The following DIAPH3 variants were observed in gnomAD, a reference collection of about 807,000 sequenced individuals.
DIAPH3 encodes the protein diaphanous related formin 3, also known as protein diaphanous homolog 3.
A neutral mutation model predicts 144.3 loss-of-function variants in DIAPH3; 117 were observed. The observed-to-expected ratio is 0.81, with a 90% CI of 0.70 to 0.95. The LOEUF is 0.95. DIAPH3 is among the 40% of genes least tolerant of loss of function. DIAPH3 has a pLI of 0.00. For synonymous variants in DIAPH3, 519 were observed against 488.9 expected (o/e 1.06, Z -0.81); for missense variants, 1,421 against 1,412.7 (o/e 1.01, Z -0.09).
intron 4 of DIAPH3, among the ~76,000 whole-genome samples, chr13:60,077,113 T>C (rs1389192179): frequency 6.6e-6 from 1 of 152,124 alleles, no homozygotes; most frequent in South Asian, 2.1e-4. Context: ...AAATGAATGA[T>C]ACTTGGAATG....
At position 59,916,203 on chromosome 13, in the gene DIAPH3, C is replaced by A. The variant is rs1270486726; in HGVS notation, c.2217G>T (p.Met739Ile). Residue 739 changes from methionine to isoleucine, a missense_variant, in exon 19 of 28, where the codon ATG (methionine) becomes ATT (isoleucine). Transcript: ENST00000400324. Reference sequence around the variant, plus strand: ...GTGTTTCATCTACTTCCAATATCATCATTCTGATTTCCTCATATGGCACCC... The same window carrying A: ...GTGTTTCATCTACTTCCAATATCATAATTCTGATTTCCTCATATGGCACCC... ...SFRVPYEEIR[M>I]MILEVDETRL... 1.9e-6 allele frequency: 3 copies of A among 1,613,306 alleles called. No individual in the cohort carries two copies. The Middle Eastern group carries it at 5.0e-4, about 267-fold the overall frequency.
intron 20 of DIAPH3, among the ~76,000 whole-genome samples, chr13:59,893,346 G>A (rs1281007881): frequency 1.3e-5 from 2 of 152,122 alleles, no homozygotes; most frequent in African/African-American, 2.4e-5. Flanking sequence ...GGGATTATGA[G>A]AATTCATTAA....
rs367943685 is a variant in DIAPH3, at chr13:60,036,869, G to T, written c.626+5821C>A. Among the ~76,000 whole-genome samples the T allele has an allele frequency of 3.7e-3, 570 of 152,018 alleles. 2 individuals are homozygous for T. The highest frequency in any genetic ancestry group is 0.012 in the African/African-American group (504 of 41,498). On this transcript the variant is annotated intron_variant, in intron 5 of 27. Transcript: ENST00000400324. The stretch of plus-strand genomic sequence containing the variant: ...AAATAATAAAGTATAGAGCAAGATG[G>T]TCTAACATATACAAAATTAGAGGGG...
chr13:60,063,255 T>C (rs1182551438), intron 4 of DIAPH3, among the ~76,000 whole-genome samples: 1 of 152,214 alleles, frequency 6.6e-6, no homozygotes, highest in African/African-American at 2.4e-5. Context: ...CCTCATTTGT[T>C]GAGCTTTATC....
intron 27 of DIAPH3, among the ~76,000 whole-genome samples, chr13:59,732,629 T>C (rs1323164315): frequency 6.6e-6 from 1 of 151,704 alleles, no homozygotes; most frequent in African/African-American, 2.4e-5. Context: ...TTTTAGTAGA[T>C]ACAGGGTTTC....
intron 7 of DIAPH3, among the ~76,000 whole-genome samples, chr13:60,015,596 CA>C (rs1345725079): frequency 1.7e-5 from 2 of 114,788 alleles, no homozygotes; most frequent in Non-Finnish European, 1.7e-5. Flanking sequence ...AAGAGTAGGA[CA>C]AAAAAGCAGA....
chr13:60,100,706 A>G (rs771497030), intron 3 of DIAPH3, among the ~76,000 whole-genome samples: 1 of 152,152 alleles, frequency 6.6e-6, no homozygotes, highest in Non-Finnish European at 1.5e-5. Flanking sequence ...TTAAAAGACT[A>G]AATTGAAATA....
At chr13:60,007,592 T>C (rs1594312034) in intron 9 of DIAPH3, among the ~76,000 whole-genome samples, 1 of 152,146 alleles carries the variant, frequency 6.6e-6, no homozygotes, top group South Asian at 2.1e-4. Flanking sequence ...TCATTTTAAA[T>C]TTCCCAATGT....
chr13:60,137,418 A>G (rs2059312908), intron 1 of DIAPH3, among the ~76,000 whole-genome samples: 1 of 152,226 alleles, frequency 6.6e-6, no homozygotes, highest in Admixed American at 6.5e-5. Context: ...TTTCCCCACT[A>G]ACTTAGTTTA....
At chr13:59,728,108 A>G (rs1453853764) in intron 27 of DIAPH3, among the ~76,000 whole-genome samples, 1 of 152,042 alleles carries the variant, frequency 6.6e-6, no homozygotes, top group Non-Finnish European at 1.5e-5. Flanking sequence ...ATAAATAAAA[A>G]TAAAGGAGAA....
chr13:59,705,270 C>T (rs73208911), intron 27 of DIAPH3, among the ~76,000 whole-genome samples: 5,253 of 152,252 alleles, frequency 0.035, 128 homozygotes, highest in Non-Finnish European at 0.044. Flanking sequence ...AATTTTTAAA[C>T]ACATGGAGAC....
At chr13:59,796,736 A>AG (rs1035189181) in intron 25 of DIAPH3, among the ~76,000 whole-genome samples, 3 of 152,184 alleles carry the variant, frequency 2.0e-5, no homozygotes, top group Non-Finnish European at 4.4e-5. Flanking sequence ...CTATAACCAA[A>AG]GGGGGGAAAA....
intron 25 of DIAPH3, among the ~76,000 whole-genome samples, chr13:59,782,930 G>T (rs112450526): frequency 8.5e-5 from 13 of 152,134 alleles, no homozygotes; most frequent in African/African-American, 2.7e-4. Flanking sequence ...GATAACAGGG[G>T]TAACGCTGCG....
At chr13:59,876,647 T>G (rs1250347788) in intron 21 of DIAPH3, among the ~76,000 whole-genome samples, 1 of 152,228 alleles carries the variant, frequency 6.6e-6, no homozygotes, top group Non-Finnish European at 1.5e-5. Flanking sequence ...TGCAGTAGGC[T>G]ATCCTACCTC....
intron 4 of DIAPH3, among the ~76,000 whole-genome samples, chr13:60,052,736 G>A (rs9570251): frequency 0.045 from 6,818 of 151,686 alleles, 199 homozygotes; most frequent in Non-Finnish European, 0.064. Context: ...AAAGGCGGGC[G>A]GATCACCTGA....
At chr13:60,132,279 G>A (rs1346351714) in intron 2 of DIAPH3, among the ~76,000 whole-genome samples, 7 of 152,066 alleles carry the variant, frequency 4.6e-5, no homozygotes, top group Non-Finnish European at 1.0e-4. Flanking sequence ...TTCATATATG[G>A]TGAAGTTTAA....
At chr13:59,994,274 T>C (rs1433190282) in intron 9 of DIAPH3, among the ~76,000 whole-genome samples, 2 of 151,972 alleles carry the variant, frequency 1.3e-5, no homozygotes, top group African/African-American at 4.8e-5. Context: ...TGAATACACA[T>C]AGGTATGCAC....
chr13:59,800,105 A>C (rs760157765), intron 25 of DIAPH3, among the ~76,000 whole-genome samples: 2 of 152,180 alleles, frequency 1.3e-5, no homozygotes, highest in Admixed American at 6.5e-5. Flanking sequence ...GCAGGCTAAA[A>C]ACATGCACAC....
At chr13:59,955,456 G>T (rs1555341763) in intron 17 of DIAPH3, among the ~76,000 whole-genome samples, 1 of 152,122 alleles carries the variant, frequency 6.6e-6, no homozygotes, top group Non-Finnish European at 1.5e-5. Flanking sequence ...GGCCTTCCCA[G>T]CCATGTGGAA....
Sources: allele counts gnomAD v4.1 joint callset (sites outside exome capture counted in the v4.1 genomes callset), GRCh38; gene constraint gnomAD v4.1.1; transcripts MANE v1.5; gene names NCBI Gene and HGNC (gene_info 2026-07-23, HGNC 2026-07-21).